The following WSCD2 variants were observed in gnomAD, a reference collection of about 807,000 sequenced individuals.
The protein encoded by WSCD2 is WSC domain sialate O sulfotransferase 2, also known as sialate:O-sulfotransferase 2.
In WSCD2, 28 loss-of-function variants were observed where a neutral mutation model predicts 55.7. The ratio of observed to expected loss-of-function variants is 0.50; its 90% CI spans 0.37 to 0.69. The LOEUF is 0.69. WSCD2 is among the 30% of genes least tolerant of loss of function. The pLI, the probability that WSCD2 is intolerant of heterozygous loss-of-function variation, is 0.00. For synonymous variants in WSCD2, 301 were observed against 301.9 expected, an observed-to-expected ratio of 1.00 and a Z score of 0.03; for missense variants, 616 against 762.1, an observed-to-expected ratio of 0.81 and a Z score of 2.26.
intron 4 of WSCD2, among the ~76,000 whole-genome samples, chr12:108,212,413 C>T (rs569589668): frequency 1.4e-3 from 206 of 152,252 alleles, no homozygotes; most frequent in African/African-American, 4.7e-3. Context: ...TGTCATTAGC[C>T]AGACACTAGC....
At chr12:108,235,267 G>A (rs1889163617) in intron 7 of WSCD2, among the ~76,000 whole-genome samples, 1 of 152,146 alleles carries the variant, frequency 6.6e-6, no homozygotes, top group South Asian at 2.1e-4. Context: ...GTGTAAAATA[G>A]ACATTTTTTA....
At chr12:108,206,255 C>T (rs1372030762) in intron 2 of WSCD2, 34 bp from the exon 3 acceptor site, 1 of 1,592,550 alleles carries the variant, frequency 6.3e-7, no homozygotes, top group Non-Finnish European at 8.6e-7. Context: ...CAGCTTTGTC[C>T]CCAGCCACCT....
intron 6 of WSCD2, among the ~76,000 whole-genome samples, chr12:108,229,059 T>C (rs938435696): frequency 6.6e-6 from 1 of 152,156 alleles, no homozygotes; most frequent in Non-Finnish European, 1.5e-5. Context: ...ATGAATTTGC[T>C]CATTCCCAGT....
At chr12:108,135,204 A>G (rs1242603499) in intron 1 of WSCD2, among the ~76,000 whole-genome samples, 1 of 152,216 alleles carries the variant, frequency 6.6e-6, no homozygotes. Flanking sequence ...ATTCAGCATC[A>G]GTATTTGCTG....
intron 4 of WSCD2, among the ~76,000 whole-genome samples, chr12:108,224,470 G>C (rs1887864015): frequency 2.0e-5 from 3 of 152,228 alleles, no homozygotes; most frequent in African/African-American, 7.2e-5. Context: ...GGATAGCATG[G>C]CCCAGAAAGA....
chr12:108,186,119 C>A (rs1841853578), intron 1 of WSCD2, among the ~76,000 whole-genome samples: 1 of 152,186 alleles, frequency 6.6e-6, no homozygotes. Context: ...TTCCCCAGAG[C>A]CCACAGTTTG....
intron 1 of WSCD2, among the ~76,000 whole-genome samples, chr12:108,177,153 C>T (rs1282775926): frequency 1.3e-5 from 2 of 152,010 alleles, no homozygotes; most frequent in East Asian, 1.9e-4. Flanking sequence ...TTAAATGGGG[C>T]TTGTATTAGT....
chr12:108,164,161 T>TTTTTTTTTTTTTTTTTTTTTTTG lies in WSCD2; in HGVS notation c.-551-31120_-551-31119insTTTTTTTTTTTTTTTTTTTTTGT, dbSNP rs1555224811. The stretch of plus-strand genomic sequence containing the variant: ...ATCCTTTTTTTTTTTTTTTTTTTTT[T>TTTTTTTTTTTTTTTTTTTTTTTG]TCAGAGAGGGGGATGTTTGAAAACG... On this transcript the variant is annotated intron_variant, in intron 1 of 8. Coordinates refer to ENST00000547525, the MANE Select transcript of WSCD2 (RefSeq NM_014653.4). Among the ~76,000 whole-genome samples the TTTTTTTTTTTTTTTTTTTTTTTG allele has an allele frequency of 2.7e-5, 4 of 145,982 alleles. 1 individual carries two copies. In the East Asian group the frequency reaches 6.0e-4, roughly 22 times the overall value.
At chr12:108,214,999 G>T (rs1183668792) in intron 4 of WSCD2, among the ~76,000 whole-genome samples, 1 of 152,170 alleles carries the variant, frequency 6.6e-6, no homozygotes, top group Non-Finnish European at 1.5e-5. Context: ...AGATGATTAG[G>T]GGACAGTCAC....
At chr12:108,247,634 C>T (rs1890179213) in intron 8 of WSCD2, among the ~76,000 whole-genome samples, 1 of 152,186 alleles carries the variant, frequency 6.6e-6, no homozygotes, top group South Asian at 2.1e-4. Context: ...TAGCTCACTG[C>T]AGCCTCGACC....
chr12:108,185,112 C>T (rs1368944148), intron 1 of WSCD2, among the ~76,000 whole-genome samples: 3 of 152,164 alleles, frequency 2.0e-5, no homozygotes. Context: ...GGCCACATTT[C>T]CCTGAGCCCC....
At chr12:108,225,628 T>C (rs1304545456) in intron 5 of WSCD2, among the ~76,000 whole-genome samples, 1 of 152,070 alleles carries the variant, frequency 6.6e-6, no homozygotes, top group African/African-American at 2.4e-5. Flanking sequence ...TGGCACTGGA[T>C]AGCACTTGGG....
chr12:108,205,357 C>A (rs916839557), intron 2 of WSCD2, among the ~76,000 whole-genome samples: 4 of 152,028 alleles, frequency 2.6e-5, no homozygotes, highest in African/African-American at 9.7e-5. Context: ...TGCAAGGAGA[C>A]AATGTATGTA....
At chr12:108,219,684 G>T (rs2374971) in intron 4 of WSCD2, among the ~76,000 whole-genome samples, 4,700 of 152,278 alleles carry the variant, frequency 0.031, 231 homozygotes, top group African/African-American at 0.11. Flanking sequence ...CCCCACCAGG[G>T]TAGTGGAACA....
chr12:108,185,093 G>A (rs571299322), intron 1 of WSCD2, among the ~76,000 whole-genome samples: 81 of 152,262 alleles, frequency 5.3e-4, no homozygotes, highest in Non-Finnish European at 9.6e-4. Context: ...AAATATTTTA[G>A]GCTTTGAGGG....
chr12:108,145,746 AGTAAAATAAG>A (rs1877319897), intron 1 of WSCD2, among the ~76,000 whole-genome samples: 1 of 152,238 alleles, frequency 6.6e-6, no homozygotes, highest in African/African-American at 2.4e-5. Context: ...AGAATAGATA[AGTAAAATAAG>A]GTTTAGACAT....
chr12:108,223,243 G>C (rs1384049969), intron 4 of WSCD2, among the ~76,000 whole-genome samples: 2 of 152,204 alleles, frequency 1.3e-5, no homozygotes, highest in East Asian at 3.8e-4. Context: ...CCATGGCCTA[G>C]CTAAGTTGAC....
At chr12:108,207,988 AT>A (rs1885634248) in intron 3 of WSCD2, among the ~76,000 whole-genome samples, 1 of 152,186 alleles carries the variant, frequency 6.6e-6, no homozygotes, top group Admixed American at 6.5e-5. Context: ...GCAGTTAGAC[AT>A]GCAGACAAGG....
chr12:108,179,429 G>A (rs1018766156), intron 1 of WSCD2, among the ~76,000 whole-genome samples: 3 of 152,234 alleles, frequency 2.0e-5, no homozygotes, highest in African/African-American at 7.2e-5. Flanking sequence ...GATTCCATAT[G>A]GGACATAAAA....
Sources: gnomAD v4.1 joint callset for allele counts (sites outside exome capture counted in the v4.1 genomes callset) on GRCh38, gnomAD v4.1.1 for gene constraint, MANE v1.5 for transcripts, NCBI Gene and HGNC (gene_info 2026-07-23, HGNC 2026-07-21) for gene names.